INTS3: variants seen among roughly 807,000 people sequenced by gnomAD.
The protein encoded by INTS3 is SOSS complex subunit A.
Under a neutral mutation model 146.3 loss-of-function variants are expected in INTS3, and 34 were observed. The ratio of observed to expected loss-of-function variants is 0.23; its 90% confidence interval spans 0.18 to 0.31. INTS3 has a LOEUF of 0.31. INTS3 is among the 10% of genes least tolerant of loss of function. The probability of loss-of-function intolerance (pLI) is 1.00; values close to 1 mark genes in which losing one functional copy is unlikely to be tolerated. For missense variants in INTS3, 757 were observed against 1,304.2 expected, an observed-to-expected ratio of 0.58 and a Z score of 6.46; for synonymous variants, 475 against 494.9, an observed-to-expected ratio of 0.96 and a Z score of 0.53.
intron 9 of INTS3, among the ~76,000 whole-genome samples, chr1:153,754,946 C>G (rs148304227): frequency 1.8e-3 from 268 of 152,192 alleles, no homozygotes; most frequent in African/African-American, 6.1e-3. Context: ...GGTACACTGT[C>G]GAATAAGAGA....
At chr1:153,736,637 G>T (rs1381271259) in intron 1 of INTS3, among the ~76,000 whole-genome samples, 1 of 151,554 alleles carries the variant, frequency 6.6e-6, no homozygotes, top group Non-Finnish European at 1.5e-5. Flanking sequence ...AGTAGAGACG[G>T]GGTTTCACCA....
At position 153,772,465 on chromosome 1, in the gene INTS3, A is replaced by C. The variant is rs746741604; in HGVS notation, c.2821+25A>C. Reference sequence around the variant, plus strand: ...TGTATGCCTTCCACCCTCGGCGTCCAGTGTAGACGGTGCTGCCCTGGCCCA... The same window carrying C: ...TGTATGCCTTCCACCCTCGGCGTCCCGTGTAGACGGTGCTGCCCTGGCCCA... On this transcript the variant is annotated intron_variant, in intron 27 of 29. Transcript: ENST00000318967. This position sits in a 1 kb window ranked among gnomAD's most constrained non-coding sequence, Gnocchi z 4.6. 1.9e-5 allele frequency: 30 copies of C among 1,614,138 alleles called. 1 individual carries two copies. The Admixed American group carries it at 4.8e-4, about 26-fold the overall frequency.
intron 1 of INTS3, among the ~76,000 whole-genome samples, chr1:153,736,639 G>T (rs1671302191): frequency 6.6e-6 from 1 of 151,504 alleles, no homozygotes; most frequent in Non-Finnish European, 1.5e-5. Flanking sequence ...TAGAGACGGG[G>T]TTTCACCATG....
chr1:153,744,909 GT>G (rs1202992438), intron 3 of INTS3, among the ~76,000 whole-genome samples: 1 of 152,120 alleles, frequency 6.6e-6, no homozygotes, highest in Non-Finnish European at 1.5e-5. Context: ...GGTTAAGCAT[GT>G]TATAGAATTG....
rs1175845886 is a variant in INTS3, at chr1:153,757,260, G to A, written c.958-312G>A. On this transcript the variant is annotated intron_variant, in intron 9 of 29. Coordinates refer to ENST00000318967, the MANE Select transcript of INTS3 (RefSeq NM_023015.5). The surrounding 1 kb of genome is among the most constrained non-coding windows in gnomAD (Gnocchi z 4.0). ...GGTTATACTTCTGACTGGAGAGTCAGTGACCAGTGCAAGGAGTAAAGAGCC... is the reference window on the plus strand; with the variant it reads ...GGTTATACTTCTGACTGGAGAGTCAATGACCAGTGCAAGGAGTAAAGAGCC... Among the ~76,000 whole-genome samples the A allele has an allele frequency of 6.6e-6, 1 of 152,220 alleles. No individual in the cohort carries two copies. The highest frequency in any genetic ancestry group is 1.5e-5 in the Non-Finnish European group (1 of 68,036).
intron 1 of INTS3, among the ~76,000 whole-genome samples, chr1:153,733,174 T>G (rs115146897): frequency 7.5e-6 from 1 of 133,030 alleles, no homozygotes; most frequent in Admixed American, 8.2e-5. Context: ...TGACTTCCCA[T>G]AGGGAGCAGT....
intron 20 of INTS3, among the ~76,000 whole-genome samples, chr1:153,765,296 C>T (rs1214742380): frequency 6.6e-6 from 1 of 152,162 alleles, no homozygotes; most frequent in Admixed American, 6.5e-5. Context: ...AGCCATCCTC[C>T]CCCCTCAGCA....
intron 24 of INTS3, 26 bp from the exon 25 acceptor site, chr1:153,770,659 G>GAAC: frequency 6.2e-7 from 1 of 1,606,194 alleles, no homozygotes; most frequent in Non-Finnish European, 8.5e-7. Context: ...CCTTCCCCCT[G>GAAC]AACAGCCTCT....
At chr1:153,743,707 A>G (rs1164271306) in intron 3 of INTS3, among the ~76,000 whole-genome samples, 2 of 152,170 alleles carry the variant, frequency 1.3e-5, no homozygotes, top group Non-Finnish European at 2.9e-5. Context: ...AGCTGGGAGC[A>G]GGCCTGGCTG....
At chr1:153,748,657 G>A (rs778344485) in intron 5 of INTS3, 32 bp from the exon 6 acceptor site, 2 of 1,582,164 alleles carry the variant, frequency 1.3e-6, no homozygotes, top group Admixed American at 3.3e-5. Flanking sequence ...TTGCTAATCG[G>A]AGCTATTCTT....
Position 153,768,938 on chromosome 1 carries a change from G to A in INTS3, c.2290G>A (p.Val764Met), listed in dbSNP as rs761059972. The stretch of plus-strand genomic sequence containing the variant: ...GAGCGGAGAGCTGCTGAACATGATC[G>A]TGGCTGTTATTGACTCTGCACAGGT... Reference protein sequence around the residue: ...LRSGELLNMIVAVIDSAQLQE... With the variant: ...LRSGELLNMIMAVIDSAQLQE... The change falls in exon 22 of 30, where the codon GTG becomes ATG. Residue 764 changes from valine to methionine, a missense_variant. Physicochemically the swap from Val to Met is conservative, Grantham distance 21. This residue lies in a region of INTS3 where 116 missense variants were observed against 226.5 expected (regional missense o/e 0.51). Transcript: ENST00000318967. 1.9e-6 allele frequency: 3 copies of A among 1,613,938 alleles called. No individual in the cohort carries two copies. Among genetic ancestry groups the A allele is most frequent in the Non-Finnish European group, 2.5e-6 (3 of 1,179,914 alleles).
At chr1:153,764,266 G>T (rs1672493370) in intron 18 of INTS3, 45 bp downstream of exon 18, 1 of 1,369,836 alleles carries the variant, frequency 7.3e-7, no homozygotes. Context: ...GAGCCAGAGG[G>T]TGCTCTTACA....
chr1:153,773,343 C>T lies in INTS3; in HGVS notation c.*73C>T. On this transcript the variant is annotated 3_prime_UTR_variant, in exon 30 of 30. Coordinates refer to ENST00000318967, the MANE Select transcript of INTS3 (RefSeq NM_023015.5). ...TTGGTGATTCAAAGGTTAATAGAGG[C>T]TGAGGAGATTGCAGGGGAAACACCC... 7.3e-7 allele frequency: 1 copy of T among 1,373,338 alleles called. No homozygotes were observed. The highest frequency in any genetic ancestry group is 1.0e-6 in the Non-Finnish European group (1 of 961,504). 85.1% of individuals were successfully genotyped at this position (1,373,338 alleles called of 1,614,324 possible).
chr1:153,728,506 AG>A lies in INTS3; in HGVS notation c.-125del. On this transcript the variant is annotated 5_prime_UTR_variant, in exon 1 of 30. Transcript: ENST00000318967. ...GAGAGGAGGGAGGAGTGGAGAGGACAGGGGCCCTTGCTCTCCCCTCCCCAAC... is the reference window on the plus strand; with the variant it reads ...GAGAGGAGGGAGGAGTGGAGAGGACAGGGCCCTTGCTCTCCCCTCCCCAAC... 8.9e-7 allele frequency: 1 copy of A among 1,119,038 alleles called. No homozygotes were observed. Among genetic ancestry groups the A allele is most frequent in the Non-Finnish European group, 1.3e-6 (1 of 789,492 alleles). The allele number at this position is 1,119,038 out of a possible 1,614,324, so 69.3% of individuals were successfully genotyped here.
chr1:153,752,743 T>C (rs1347898514), intron 8 of INTS3, among the ~76,000 whole-genome samples: 2 of 151,838 alleles, frequency 1.3e-5, no homozygotes, highest in Non-Finnish European at 2.9e-5. Flanking sequence ...CTTCACGGAG[T>C]CTAGCAGGGG....
Position 153,773,734 on chromosome 1 carries a change from A to G in INTS3, c.*464A>G, listed in dbSNP as rs574071082. 9.2e-5 allele frequency: 18 copies of G among 195,760 alleles called. No homozygotes were observed. The South Asian group carries it at 2.2e-3, about 24-fold the overall frequency. 12.1% of individuals were successfully genotyped at this position (195,760 alleles called of 1,614,324 possible). A position where few individuals can be genotyped will look rare whatever the true frequency, so the allele number is the denominator to read the frequency against. On this transcript the variant is annotated 3_prime_UTR_variant, in exon 30 of 30. Coordinates refer to ENST00000318967, the MANE Select transcript of INTS3 (RefSeq NM_023015.5). Reference sequence around the variant, plus strand: ...TCAGGTCTTGGTTTGTTCTGAAGGGACGTTTTATAGTCACTATCCACATGC... The same window carrying G: ...TCAGGTCTTGGTTTGTTCTGAAGGGGCGTTTTATAGTCACTATCCACATGC...
Position 153,773,420 on chromosome 1 carries a change from T to C in INTS3, c.*150T>C. 1.3e-6 allele frequency: 1 copy of C among 742,718 alleles called. No individual in the cohort carries two copies. The highest frequency in any genetic ancestry group is 2.3e-6 in the Non-Finnish European group (1 of 434,268). The allele number at this position is 742,718 out of a possible 1,614,324, so 46.0% of individuals were successfully genotyped here. On this transcript the variant is annotated 3_prime_UTR_variant, in exon 30 of 30. Coordinates refer to ENST00000318967, the MANE Select transcript of INTS3 (RefSeq NM_023015.5). ...GGAAGGAGGAGCTTTCTCCTCTGGC[T>C]GAGTTTGAGAAGCTGCCATGCAGCC...
At chr1:153,735,792 G>A (rs1671261475) in intron 1 of INTS3, among the ~76,000 whole-genome samples, 2 of 152,118 alleles carry the variant, frequency 1.3e-5, no homozygotes, top group Admixed American at 6.5e-5. Context: ...GTGCAATCAC[G>A]GTTTATTGCA....
At chr1:153,760,771 C>A in intron 12 of INTS3, 56 bp from the exon 13 acceptor site, 1 of 1,357,278 alleles carries the variant, frequency 7.4e-7, no homozygotes, top group Non-Finnish European at 1.1e-6. Context: ...TCTAATTCAG[C>A]GGAAGCCTCT....
Sources: gnomAD v4.1 joint callset for allele counts (sites outside exome capture counted in the v4.1 genomes callset) on GRCh38, gnomAD v4.1.1 for gene constraint, gnomAD v4.1.1 regional missense constraint, Gnocchi (gnomAD v3.1) non-coding constraint, MANE v1.5 for transcripts, NCBI Gene and HGNC (gene_info 2026-07-23, HGNC 2026-07-21) for gene names.